NHERF1: variants seen among roughly 807,000 people sequenced by gnomAD.
NHERF1 encodes the protein Na(+)/H(+) exchange regulatory cofactor NHE-RF1.
chr17:74,760,221 C>T, the NHERF1 span, among the ~76,000 whole-genome samples: 4 of 151,994 alleles, frequency 2.6e-5, no homozygotes, highest in Non-Finnish European at 5.9e-5. This position sits in a 1 kb window ranked among gnomAD's most constrained non-coding sequence, Gnocchi z 4.5. Context: ...GTGGGAGTGC[C>T]GGGGGGTGAG....
chr17:74,768,610 C>T, the NHERF1 span: 48 of 1,614,098 alleles, frequency 3.0e-5, no homozygotes, highest in Admixed American at 2.5e-4. Flanking sequence ...AAACGGGCCC[C>T]GCAGATGGAC....
the NHERF1 span, chr17:74,748,688 C>T: frequency 4.8e-6 from 3 of 630,676 alleles, no homozygotes; most frequent in East Asian, 6.0e-5. This position sits in a 1 kb window ranked among gnomAD's most constrained non-coding sequence, Gnocchi z 4.3. Context: ...CGGCTCGCGG[C>T]GGCCGACGGT....
At chr17:74,768,047 C>A in the NHERF1 span, 1 of 858,898 alleles carries the variant, frequency 1.2e-6, no homozygotes, top group African/African-American at 1.6e-5. Flanking sequence ...AGTGCTACCT[C>A]TTCTCAGTCT....
At chr17:74,767,382 G>C in the NHERF1 span, among the ~76,000 whole-genome samples, 1 of 152,166 alleles carries the variant, frequency 6.6e-6, no homozygotes, top group South Asian at 2.1e-4. Flanking sequence ...GAAGGGAAAG[G>C]GGGTGAGGCC....
At chr17:74,753,635 T>G in the NHERF1 span, among the ~76,000 whole-genome samples, 1 of 151,620 alleles carries the variant, frequency 6.6e-6, no homozygotes, top group Non-Finnish European at 1.5e-5. Context: ...GTGCCTGTAA[T>G]CCCATCACTT....
At chr17:74,755,661 G>T in the NHERF1 span, among the ~76,000 whole-genome samples, 1 of 152,266 alleles carries the variant, frequency 6.6e-6, no homozygotes, top group African/African-American at 2.4e-5. Context: ...GCTAAGGTCA[G>T]GGGAACAGCA....
At chr17:74,757,018 G>A in the NHERF1 span, among the ~76,000 whole-genome samples, 3 of 152,084 alleles carry the variant, frequency 2.0e-5, no homozygotes, top group South Asian at 2.1e-4. Flanking sequence ...GGCATGGGGC[G>A]GCCAGCCCTG....
the NHERF1 span, among the ~76,000 whole-genome samples, chr17:74,755,989 T>G: frequency 6.6e-6 from 1 of 150,802 alleles, no homozygotes; most frequent in Non-Finnish European, 1.5e-5. Context: ...AGTCTCGCTC[T>G]GTTGCCCAGG....
the NHERF1 span, among the ~76,000 whole-genome samples, chr17:74,756,279 T>TTC: frequency 1.7e-5 from 2 of 120,226 alleles, no homozygotes; most frequent in African/African-American, 6.3e-5. Context: ...CTTTCTTTTT[T>TTC]TTTTTTTTTT....
At chr17:74,748,773 G>C in the NHERF1 span, 1 of 1,345,088 alleles carries the variant, frequency 7.4e-7, no homozygotes, top group Non-Finnish European at 1.0e-6. This position sits in a 1 kb window ranked among gnomAD's most constrained non-coding sequence, Gnocchi z 4.3. Flanking sequence ...CGCTGGACGG[G>C]AAGAAGGGCT....
chr17:74,759,302 CCT>C, the NHERF1 span, among the ~76,000 whole-genome samples: 2 of 152,238 alleles, frequency 1.3e-5, no homozygotes, highest in Admixed American at 1.3e-4. Flanking sequence ...GGCTGGGTAC[CCT>C]GTTTCCCCTT....
At chr17:74,750,161 C>G in the NHERF1 span, among the ~76,000 whole-genome samples, 1 of 152,252 alleles carries the variant, frequency 6.6e-6, no homozygotes, top group African/African-American at 2.4e-5. Flanking sequence ...GCCATGGTCA[C>G]TCTGGTGCCC....
At chr17:74,756,273 CTTTTTTTTTTTT>C in the NHERF1 span, among the ~76,000 whole-genome samples, 2 of 71,992 alleles carry the variant, frequency 2.8e-5, no homozygotes, top group South Asian at 5.7e-4. Flanking sequence ...TTCTTTCTTT[CTTTTTTTTTTTT>C]TTTTTTTTTT....
At chr17:74,749,176 G>C in the NHERF1 span, 66 of 1,533,382 alleles carry the variant, frequency 4.3e-5, 1 homozygote, top group Admixed American at 1.0e-3. This position sits in a 1 kb window ranked among gnomAD's most constrained non-coding sequence, Gnocchi z 5.6. Flanking sequence ...GAGAGGAGCT[G>C]CTGCGCGCCC....
chr17:74,749,525 C>T, the NHERF1 span, among the ~76,000 whole-genome samples: 1 of 152,212 alleles, frequency 6.6e-6, no homozygotes, highest in African/African-American at 2.4e-5. This position sits in a 1 kb window ranked among gnomAD's most constrained non-coding sequence, Gnocchi z 5.6. Context: ...GCGCCTTTGC[C>T]GCCTGCACCT....
the NHERF1 span, chr17:74,748,909 G>C: frequency 2.1e-5 from 34 of 1,600,522 alleles, 1 homozygote; most frequent in African/African-American, 2.7e-4. This position sits in a 1 kb window ranked among gnomAD's most constrained non-coding sequence, Gnocchi z 4.3. Context: ...AGAAGGGTCC[G>C]AACGGCTACG....
chr17:74,764,280 T>C, the NHERF1 span, among the ~76,000 whole-genome samples: 14 of 152,180 alleles, frequency 9.2e-5, no homozygotes, highest in Non-Finnish European at 1.3e-4. The surrounding 1 kb of genome is among the most constrained non-coding windows in gnomAD (Gnocchi z 4.9). Flanking sequence ...CAAGGTTGTA[T>C]GTGTAAAAGG....
the NHERF1 span, among the ~76,000 whole-genome samples, chr17:74,752,056 G>T: frequency 1.3e-3 from 204 of 152,314 alleles, no homozygotes; most frequent in Non-Finnish European, 2.4e-3. Flanking sequence ...CTAGCGCTGG[G>T]TCAGCCTGCC....
At chr17:74,756,273 C>CTTTTTTTTTTTTTT in the NHERF1 span, among the ~76,000 whole-genome samples, 5 of 71,992 alleles carry the variant, frequency 6.9e-5, no homozygotes, top group Non-Finnish European at 1.2e-4. Context: ...TTCTTTCTTT[C>CTTTTTTTTTTTTTT]TTTTTTTTTT....
Sources: allele counts gnomAD v4.1 joint callset (sites outside exome capture counted in the v4.1 genomes callset), GRCh38; gene constraint gnomAD v4.1.1; non-coding constraint Gnocchi (gnomAD v3.1); transcripts MANE v1.5; gene names NCBI Gene and HGNC (gene_info 2026-07-23, HGNC 2026-07-21).